LONP2: variants seen among roughly 807,000 people sequenced by gnomAD.
LONP2 encodes the protein lon protease homolog 2, peroxisomal.
Under a neutral mutation model 85.6 loss-of-function variants are expected in LONP2, and 60 were observed. That is an observed-to-expected ratio of 0.70 (90% confidence interval 0.57 to 0.87). The LOEUF (loss-of-function observed/expected upper bound fraction) is 0.87. Among genes scored for constraint, LONP2 ranks in the 40% least tolerant of loss-of-function variants. The pLI is 0.00. For missense variants in LONP2, 860 were observed against 1,063.5 expected (o/e 0.81, Z 2.66); for synonymous variants, 395 against 389.7 (o/e 1.01, Z -0.16).
At chr16:48,307,080 AGT>A (rs1972926239) in intron 11 of LONP2, among the ~76,000 whole-genome samples, 1 of 152,212 alleles carries the variant, frequency 6.6e-6, no homozygotes, top group Non-Finnish European at 1.5e-5. Flanking sequence ...ATCTGTGAAC[AGT>A]TGTCTTTGTA....
At chr16:48,265,489 T>C (rs762121334) in intron 6 of LONP2, among the ~76,000 whole-genome samples, 4 of 152,182 alleles carry the variant, frequency 2.6e-5, no homozygotes, top group Non-Finnish European at 4.4e-5. Flanking sequence ...TTCCCTATTG[T>C]ATATTCTTGG....
In LONP2 at chr16:48,352,010, C is replaced by T. The variant is rs1960168261; in HGVS notation, c.*208C>T. The T allele has an allele frequency of 5.2e-6, 3 of 578,284 alleles. No individual in the cohort carries two copies. Among genetic ancestry groups the T allele is most frequent in the South Asian group, 4.3e-5 (2 of 46,214 alleles). 35.8% of individuals were successfully genotyped at this position (578,284 alleles called of 1,614,324 possible). ...AAACTGATAAAAATCGAATTCTTGT[C>T]TTTTTAGTGGGATCCTTACTGTCCC... On this transcript the variant is annotated 3_prime_UTR_variant, in exon 15 of 15. Transcript: ENST00000285737.
chr16:48,311,648 A>G (rs529577635), intron 11 of LONP2, among the ~76,000 whole-genome samples: 220 of 151,458 alleles, frequency 1.5e-3, no homozygotes, highest in African/African-American at 5.0e-3. Flanking sequence ...ATTTAATTTT[A>G]TTTTGAAACA....
rs1278485012 is a variant in LONP2, at chr16:48,270,205, C to G, written c.1172C>G (p.Thr391Ser). The G allele has an allele frequency of 1.2e-6, 2 of 1,614,056 alleles. No homozygotes were observed. The highest frequency in any genetic ancestry group is 1.7e-6 in the Non-Finnish European group (2 of 1,179,952). Reference sequence around the variant, plus strand: ...AGTGTGGGAAGATCAGTGGCCAAGACTCTAGGTCGAGAGTTCCACAGGATT... The same window carrying G: ...AGTGTGGGAAGATCAGTGGCCAAGAGTCTAGGTCGAGAGTTCCACAGGATT... ...KTSVGRSVAK[T>S]LGREFHRIAL... is the part of the protein sequence containing the mutation. The change falls in exon 7 of 15, where the codon ACT (threonine) becomes AGT (serine). Residue 391 changes from threonine to serine, a missense_variant. By Grantham distance (58) the Thr-to-Ser change is moderately conservative (BLOSUM62 1). Coordinates refer to ENST00000285737, the MANE Select transcript of LONP2 (RefSeq NM_031490.5).
At chr16:48,320,608 A>G (rs946435425) in intron 11 of LONP2, among the ~76,000 whole-genome samples, 3 of 152,184 alleles carry the variant, frequency 2.0e-5, no homozygotes, top group African/African-American at 7.2e-5. Context: ...GCAGTATGCT[A>G]TGTCCAAACT....
In LONP2 at chr16:48,351,648, G is replaced by A. The variant is rs142772305; in HGVS notation, c.2405G>A (p.Arg802Gln). 106 of 1,614,070 alleles carry A rather than the reference G, an allele frequency of 6.6e-5. No homozygotes were observed. The highest frequency in any genetic ancestry group is 1.3e-4 in the East Asian group (6 of 44,882). The change falls in exon 15 of 15, where the codon CGG (arginine) becomes CAG (glutamine). Residue 802 changes from arginine (R) to glutamine (Q), a missense_variant. Arg to Gln is a conservative substitution (Grantham distance 43). Coordinates refer to ENST00000285737, the MANE Select transcript of LONP2 (RefSeq NM_031490.5). ...RAGLKQVIIP[R>Q]RNEKDLEGIP... is the part of the protein sequence containing the mutation. Reference sequence around the variant, plus strand: ...GGACTGAAGCAAGTCATTATTCCTCGGAGAAATGAAAAAGACCTTGAGGGA... The same window carrying A: ...GGACTGAAGCAAGTCATTATTCCTCAGAGAAATGAAAAAGACCTTGAGGGA...
At chr16:48,325,360 C>T (rs574806012) in intron 11 of LONP2, among the ~76,000 whole-genome samples, 1 of 152,258 alleles carries the variant, frequency 6.6e-6, no homozygotes, top group African/African-American at 2.4e-5. Context: ...AGAACTTATT[C>T]CTCCTATTTA....
downstream of LONP2, chr16:48,361,994 C>T: frequency 6.2e-7 from 1 of 1,614,152 alleles, no homozygotes; most frequent in Non-Finnish European, 8.5e-7. Context: ...TCAGATGGGG[C>T]ATTACAGCAT....
intron 14 of LONP2, among the ~76,000 whole-genome samples, 189 bp from the exon 15 acceptor site, chr16:48,351,392 T>G (rs985975661): frequency 2.6e-5 from 4 of 152,110 alleles, no homozygotes; most frequent in Non-Finnish European, 1.5e-5. Context: ...TAACACCAAT[T>G]GAAACATTAA....
At chr16:48,264,620 G>C (rs1424459243) in intron 6 of LONP2, among the ~76,000 whole-genome samples, 1 of 152,040 alleles carries the variant, frequency 6.6e-6, no homozygotes, top group Non-Finnish European at 1.5e-5. Context: ...CATCCTCCTT[G>C]GCTGACAGGA....
At chr16:48,294,358 A>G (rs1972623678) in intron 8 of LONP2, among the ~76,000 whole-genome samples, 1 of 152,252 alleles carries the variant, frequency 6.6e-6, no homozygotes, top group South Asian at 2.1e-4. Context: ...GATATTAAAC[A>G]TTATTAAGTC....
intron 11 of LONP2, among the ~76,000 whole-genome samples, chr16:48,323,237 T>TA (rs1973302881): frequency 6.6e-6 from 1 of 152,206 alleles, no homozygotes; most frequent in African/African-American, 2.4e-5. Context: ...TTACTTATAG[T>TA]AAATGGACAT....
chr16:48,303,846 C>T (rs368786092), intron 11 of LONP2, among the ~76,000 whole-genome samples: 2 of 152,152 alleles, frequency 1.3e-5, no homozygotes, highest in East Asian at 1.9e-4. Context: ...GCATCCAGCA[C>T]GGGAGAAAGC....
chr16:48,245,241 C>T lies in LONP2; in HGVS notation c.233+620C>T, dbSNP rs186780740. Among the ~76,000 whole-genome samples the T allele has an allele frequency of 4.2e-3, 640 of 152,256 alleles. 4 individuals carry two copies. Among genetic ancestry groups the T allele is most frequent in the African/African-American group, 0.015 (605 of 41,546 alleles). Reference sequence around the variant, plus strand: ...ACTGCTCACATTTTCGCTGGTCCCCCTTTCTGGAACTTTCCTAGCTTCTCA... The same window carrying T: ...ACTGCTCACATTTTCGCTGGTCCCCTTTTCTGGAACTTTCCTAGCTTCTCA... On this transcript the variant is annotated intron_variant, in intron 1 of 14. Coordinates refer to ENST00000285737, the MANE Select transcript of LONP2 (RefSeq NM_031490.5).
At chr16:48,331,557 A>G (rs1024109559) in intron 11 of LONP2, among the ~76,000 whole-genome samples, 1 of 152,054 alleles carries the variant, frequency 6.6e-6, no homozygotes, top group Non-Finnish European at 1.5e-5. Context: ...GCCGTCTCCA[A>G]AGGATTTTCT....
chr16:48,251,280 A>C (rs1260413404), intron 1 of LONP2, among the ~76,000 whole-genome samples: 1 of 152,174 alleles, frequency 6.6e-6, no homozygotes, highest in African/African-American at 2.4e-5. Context: ...CCTATGGCTG[A>C]AGGGAGAAAA....
chr16:48,312,821 G>A (rs1973062617), intron 11 of LONP2, among the ~76,000 whole-genome samples: 1 of 152,220 alleles, frequency 6.6e-6, no homozygotes, highest in Non-Finnish European at 1.5e-5. Flanking sequence ...GCAGTAGGGT[G>A]ATTAACCTTT....
chr16:48,269,192 C>T (rs1395120103), intron 6 of LONP2, among the ~76,000 whole-genome samples: 1 of 149,962 alleles, frequency 6.7e-6, no homozygotes, highest in African/African-American at 2.4e-5. Flanking sequence ...CAATTCTTTA[C>T]ATCATCTGTT....
intron 8 of LONP2, among the ~76,000 whole-genome samples, chr16:48,292,225 T>G (rs546466781): frequency 1.2e-4 from 18 of 152,292 alleles, no homozygotes; most frequent in African/African-American, 4.3e-4. Context: ...TGACTTTGAG[T>G]TCTGTCCTTT....
Sources: allele counts gnomAD v4.1 joint callset (sites outside exome capture counted in the v4.1 genomes callset), GRCh38; gene constraint gnomAD v4.1.1; transcripts MANE v1.5; gene names NCBI Gene and HGNC (gene_info 2026-07-23, HGNC 2026-07-21).